DNAI4: variants seen among roughly 807,000 people sequenced by gnomAD.
The protein encoded by DNAI4 is dynein axonemal intermediate chain 4.
DNAI4 carries 85 observed loss-of-function variants against 105.8 expected under a neutral mutation model. That is an observed-to-expected ratio of 0.80 (90% CI 0.67 to 0.96). The LOEUF is 0.96. Ranked by LOEUF, DNAI4 falls within the 40% of genes least tolerant of loss-of-function variation. The pLI is 0.00. For missense variants in DNAI4, 1,014 were observed against 1,005.6 expected, an observed-to-expected ratio of 1.01 and a Z score of -0.11; for synonymous variants, 352 against 331.5, an observed-to-expected ratio of 1.06 and a Z score of -0.67.
intron 16 of DNAI4, among the ~76,000 whole-genome samples, chr1:66,819,971 GA>G (rs925496089): frequency 1.1e-4 from 17 of 151,688 alleles, no homozygotes; most frequent in East Asian, 9.6e-4. Context: ...GACAAAAGAA[GA>G]AAAAAAGATT....
intron 1 of DNAI4, among the ~76,000 whole-genome samples, chr1:66,908,016 T>C (rs1365042961): frequency 6.6e-6 from 1 of 152,246 alleles, no homozygotes; most frequent in Non-Finnish European, 1.5e-5. Flanking sequence ...GTTACTTTAA[T>C]TGATAGTTAA....
At chr1:66,839,221 C>T (rs1646094814) in intron 9 of DNAI4, among the ~76,000 whole-genome samples, 1 of 152,040 alleles carries the variant, frequency 6.6e-6, no homozygotes, top group African/African-American at 2.4e-5. Flanking sequence ...CACTAGAAAC[C>T]AGGAGTCCAA....
intron 7 of DNAI4, among the ~76,000 whole-genome samples, chr1:66,850,890 ATGTT>A (rs1340307876): frequency 6.6e-6 from 1 of 152,002 alleles, no homozygotes; most frequent in African/African-American, 2.4e-5. Context: ...GGTAAAAAAA[ATGTT>A]TGGAAAAGCA....
At chr1:66,888,021 T>C (rs1049536862) in intron 4 of DNAI4, among the ~76,000 whole-genome samples, 1 of 152,136 alleles carries the variant, frequency 6.6e-6, no homozygotes, top group African/African-American at 2.4e-5. Flanking sequence ...TGTATCTGTA[T>C]GGTGGTGTGC....
chr1:66,904,521 A>T (rs1055570857), intron 2 of DNAI4, among the ~76,000 whole-genome samples: 4 of 152,112 alleles, frequency 2.6e-5, no homozygotes, highest in African/African-American at 4.8e-5. Context: ...GCTAATTTTT[A>T]AAAATTGGGT....
At chr1:66,835,556 T>G (rs1645966627) in intron 11 of DNAI4, 70 bp downstream of exon 11, 1 of 1,493,606 alleles carries the variant, frequency 6.7e-7, no homozygotes, top group Non-Finnish European at 9.1e-7. Flanking sequence ...TACTCAAAAC[T>G]AAATAACATT....
chr1:66,893,095 AAGAAAG>A, intron 3 of DNAI4, 128 bp downstream of exon 3: 1 of 432,944 alleles, frequency 2.3e-6, no homozygotes, highest in Non-Finnish European at 3.9e-6. Flanking sequence ...GAAAGAAAGA[AAGAAAG>A]AAAGAAAGAA....
At chr1:66,874,677 G>T (rs948456116) in intron 5 of DNAI4, 104 bp downstream of exon 5, 10 of 1,183,698 alleles carry the variant, frequency 8.4e-6, no homozygotes, top group Non-Finnish European at 1.1e-5. Context: ...ACCCCATAGT[G>T]TATACCCCAG....
intron 1 of DNAI4, among the ~76,000 whole-genome samples, chr1:66,907,381 A>G (rs750132311): frequency 4.6e-5 from 7 of 152,116 alleles, no homozygotes; most frequent in Non-Finnish European, 1.0e-4. Flanking sequence ...CAATTTATCA[A>G]TTGAGTCACT....
intron 1 of DNAI4, chr1:66,919,216 C>T (rs759427386): frequency 1.7e-5 from 5 of 300,142 alleles, no homozygotes; most frequent in Non-Finnish European, 3.5e-5. Flanking sequence ...AACCTTGGCA[C>T]AATAAACTTT....
intron 2 of DNAI4, among the ~76,000 whole-genome samples, chr1:66,899,757 T>A (rs947092454): frequency 6.6e-6 from 1 of 152,238 alleles, no homozygotes; most frequent in African/African-American, 2.4e-5. Flanking sequence ...GGTAAGGGTC[T>A]AAGTTCATTC....
At chr1:66,827,519 G>T (rs1310213587) in intron 14 of DNAI4, among the ~76,000 whole-genome samples, 1 of 151,936 alleles carries the variant, frequency 6.6e-6, no homozygotes, top group African/African-American at 2.4e-5. Flanking sequence ...ATAAGCTATA[G>T]AGACTAGGTA....
intron 1 of DNAI4, among the ~76,000 whole-genome samples, chr1:66,912,712 G>A (rs1649754547): frequency 6.6e-6 from 1 of 152,108 alleles, no homozygotes; most frequent in Non-Finnish European, 1.5e-5. Flanking sequence ...GCTCAACTTT[G>A]GCCAGATAAA....
intron 11 of DNAI4, 38 bp from the exon 12 acceptor site, chr1:66,834,186 A>G (rs1645931645): frequency 4.6e-6 from 7 of 1,506,160 alleles, no homozygotes; most frequent in Middle Eastern, 1.8e-4. Flanking sequence ...TATAATCATT[A>G]TAATAATTTC....
At chr1:66,893,105 G>GAAAGAAAGAAAGAA in intron 3 of DNAI4, 124 bp downstream of exon 3, 1 of 466,646 alleles carries the variant, frequency 2.1e-6, no homozygotes, top group African/African-American at 2.1e-5. Context: ...AAGAAAGAAA[G>GAAAGAAAGAAAGAA]AAAGAAAGAA....
chr1:66,836,209 AG>A (rs1557908324), intron 10 of DNAI4, among the ~76,000 whole-genome samples: 1,063 of 42,376 alleles, frequency 0.025, 34 homozygotes, highest in East Asian at 0.036. Flanking sequence ...AGAAAGAAAG[AG>A]AGAGAGAGAG....
chr1:66,826,715 C>T (rs1645761389), intron 15 of DNAI4, 105 bp downstream of exon 15: 4 of 963,256 alleles, frequency 4.2e-6, no homozygotes, highest in East Asian at 2.4e-5. Context: ...ACTATTACTT[C>T]TTTTAAAGTA....
intron 1 of DNAI4, chr1:66,919,238 G>C: frequency 3.8e-6 from 1 of 262,040 alleles, no homozygotes; most frequent in Admixed American, 3.7e-5. Context: ...TAAATTAACT[G>C]AGACCTGTCT....
At chr1:66,822,579 C>A in intron 15 of DNAI4, 62 bp from the exon 16 acceptor site, 1 of 1,325,766 alleles carries the variant, frequency 7.5e-7, no homozygotes. Flanking sequence ...TTTAAATAGA[C>A]AAAGAAAAAT....
Sources: gnomAD v4.1 joint callset for allele counts (sites outside exome capture counted in the v4.1 genomes callset) on GRCh38, gnomAD v4.1.1 for gene constraint, MANE v1.5 for transcripts, NCBI Gene and HGNC (gene_info 2026-07-23, HGNC 2026-07-21) for gene names.